Variants in CFAP20DC observed in about 807,000 individuals in gnomAD.
The protein encoded by CFAP20DC is protein CFAP20DC.
In CFAP20DC, 84 loss-of-function variants were observed where a neutral mutation model predicts 101.7. That is an observed-to-expected ratio of 0.83 (90% confidence interval 0.69 to 0.99). The LOEUF is 0.99. Among genes scored for constraint, CFAP20DC ranks in the 50% least tolerant of loss-of-function variants. The pLI, the probability that CFAP20DC is intolerant of heterozygous loss-of-function variation, is 0.00. For synonymous variants in CFAP20DC, 359 were observed against 351.2 expected, an observed-to-expected ratio of 1.02 and a Z score of -0.25; for missense variants, 1,007 against 970.3, an observed-to-expected ratio of 1.04 and a Z score of -0.50.
At chr3:58,802,998 G>A (rs1236059667) in intron 15 of CFAP20DC, among the ~76,000 whole-genome samples, 12 of 152,022 alleles carry the variant, frequency 7.9e-5, no homozygotes, top group Non-Finnish European at 1.0e-4. Context: ...AAAAAAATGT[G>A]CATGAAAGAC....
chr3:58,969,877 G>A (rs1344221866), intron 4 of CFAP20DC, among the ~76,000 whole-genome samples: 1 of 152,136 alleles, frequency 6.6e-6, no homozygotes, highest in African/African-American at 2.4e-5. Context: ...AGGGAGTGGA[G>A]AGTACCTGCT....
At chr3:58,996,016 A>ATCTATCTC (rs1267979977) in intron 4 of CFAP20DC, among the ~76,000 whole-genome samples, 3 of 151,618 alleles carry the variant, frequency 2.0e-5, no homozygotes, top group African/African-American at 7.3e-5. Context: ...CTATCTATCT[A>ATCTATCTC]TCTATCTATT....
intron 14 of CFAP20DC, among the ~76,000 whole-genome samples, chr3:58,809,365 G>A (rs1163088045): frequency 6.6e-6 from 1 of 152,168 alleles, no homozygotes; most frequent in East Asian, 1.9e-4. Context: ...TCAGACCACA[G>A]TGCAATCAAA....
At chr3:58,780,761 C>A (rs2071755336) in intron 15 of CFAP20DC, among the ~76,000 whole-genome samples, 1 of 151,908 alleles carries the variant, frequency 6.6e-6, no homozygotes, top group Admixed American at 6.6e-5. Flanking sequence ...ATGCAGCCAA[C>A]ATCTGAACAC....
chr3:58,994,934 G>C (rs971938205), intron 4 of CFAP20DC, among the ~76,000 whole-genome samples: 1 of 152,024 alleles, frequency 6.6e-6, no homozygotes, highest in Non-Finnish European at 1.5e-5. Context: ...ATGCAGCAGG[G>C]GGAGCTATGG....
At chr3:58,842,311 C>A (rs1198306736) in intron 13 of CFAP20DC, among the ~76,000 whole-genome samples, 1 of 152,180 alleles carries the variant, frequency 6.6e-6, no homozygotes, top group East Asian at 1.9e-4. Context: ...GGTGCGCGCA[C>A]CGTGCGCGAG....
intron 3 of CFAP20DC, among the ~76,000 whole-genome samples, chr3:58,723,105 T>TA (rs1336658410): frequency 3.3e-5 from 5 of 152,250 alleles, no homozygotes; most frequent in Non-Finnish European, 7.3e-5. Context: ...TTGTGCTCTT[T>TA]AAAAAATGTT....
Position 58,913,535 on chromosome 3 carries a change from T to C in CFAP20DC, c.550+173A>G, listed in dbSNP as rs1014104592. ...ATACCTTTTTTGTGACATTCAGCTA[T>C]AGTAAAAATAAACATTTGATCTAGA... On this transcript the variant is annotated intron_variant, in intron 6 of 16. Transcript: ENST00000482387. The surrounding 1 kb of genome is among the most constrained non-coding windows in gnomAD (Gnocchi z 4.4). The C allele has an allele frequency of 4.1e-5, 27 of 651,754 alleles. No homozygotes were observed. The highest frequency in any genetic ancestry group is 3.1e-4 in the African/African-American group (17 of 54,668). 40.4% of individuals were successfully genotyped at this position (651,754 alleles called of 1,614,324 possible). A position where few individuals can be genotyped will look rare whatever the true frequency, so the allele number is the denominator to read the frequency against.
chr3:58,900,240 G>A (rs77346637), intron 6 of CFAP20DC, among the ~76,000 whole-genome samples: 1 of 152,158 alleles, frequency 6.6e-6, no homozygotes, highest in African/African-American at 2.4e-5. Flanking sequence ...AATGACTGGA[G>A]AATCCTAATG....
chr3:58,813,559 T>C (rs2074853107), intron 14 of CFAP20DC, among the ~76,000 whole-genome samples: 1 of 151,948 alleles, frequency 6.6e-6, no homozygotes, highest in Admixed American at 6.6e-5. Context: ...GTAGCCATGG[T>C]GCCTGTATAT....
intron 6 of CFAP20DC, among the ~76,000 whole-genome samples, chr3:58,906,037 T>C (rs73840004): frequency 0.039 from 5,949 of 152,224 alleles, 369 homozygotes; most frequent in African/African-American, 0.13. Context: ...TAGTGTGACA[T>C]TGTGCACCTT....
rs909036366 is a variant in CFAP20DC at position 58,868,323 on chromosome 3, G to A, written c.1016-387C>T. Among the ~76,000 whole-genome samples, 1 of 152,140 alleles carries A rather than the reference G, an allele frequency of 6.6e-6. No individual in the cohort carries two copies. Among genetic ancestry groups the A allele is most frequent in the Non-Finnish European group, 1.5e-5 (1 of 67,994 alleles). ...ACTATACTTTCAACAAGAGCATAGA[G>A]AGCAGCTTCCAAAAGAGCCCTGGAG... On this transcript the variant is annotated intron_variant, in intron 9 of 16. Coordinates refer to ENST00000482387, the MANE Select transcript of CFAP20DC (RefSeq NM_001394063.1). This position sits in a 1 kb window ranked among gnomAD's most constrained non-coding sequence, Gnocchi z 4.6.
At chr3:58,782,680 A>G (rs548646798) in intron 15 of CFAP20DC, among the ~76,000 whole-genome samples, 2 of 152,150 alleles carry the variant, frequency 1.3e-5, no homozygotes, top group African/African-American at 2.4e-5. Flanking sequence ...AAGAGCTACA[A>G]AAATATCTGG....
Position 58,998,305 on chromosome 3 carries a change from T to C in CFAP20DC, c.278+41252A>G, listed in dbSNP as rs533384500. On this transcript the variant is annotated intron_variant, in intron 4 of 16. Coordinates refer to ENST00000482387, the MANE Select transcript of CFAP20DC (RefSeq NM_001394063.1). ...AGGTCTGTTTTAAATGCCCATTTTG[T>C]TCCTTGCAAACTGTATATGACTGTG... Among the ~76,000 whole-genome samples the C allele has an allele frequency of 5.1e-4, 78 of 152,322 alleles. 1 individual carries two copies. The highest frequency in any genetic ancestry group is 1.8e-3 in the African/African-American group (76 of 41,582).
chr3:58,931,077 C>T (rs775800484), intron 5 of CFAP20DC, among the ~76,000 whole-genome samples: 1 of 152,208 alleles, frequency 6.6e-6, no homozygotes, highest in Non-Finnish European at 1.5e-5. Flanking sequence ...GAATACTGCG[C>T]TTTTCCGATG....
intron 4 of CFAP20DC, among the ~76,000 whole-genome samples, chr3:58,974,659 T>A (rs2092165994): frequency 6.6e-6 from 1 of 152,108 alleles, no homozygotes; most frequent in South Asian, 2.1e-4. Flanking sequence ...TCCCATCCCA[T>A]GGAACATAGG....
chr3:58,986,821 A>G (rs1318682420), intron 4 of CFAP20DC, among the ~76,000 whole-genome samples: 2 of 152,174 alleles, frequency 1.3e-5, no homozygotes, highest in African/African-American at 4.8e-5. Context: ...ACGACCCCCA[A>G]TAAACATAAA....
rs907410735 is a variant in CFAP20DC, at chr3:58,757,387, C to T, written c.2238-3524G>A. Among the ~76,000 whole-genome samples, 9 of 151,982 alleles carry T rather than the reference C, an allele frequency of 5.9e-5. No homozygotes were observed. The South Asian group carries it at 1.7e-3, about 28-fold the overall frequency. ...ATGTGTACATACATACACACACACACATATATATATGCATGTGCCATATAT... is the reference window on the plus strand; with the variant it reads ...ATGTGTACATACATACACACACACATATATATATATGCATGTGCCATATAT... On this transcript the variant is annotated intron_variant, in intron 15 of 16. Transcript: ENST00000482387.
rs554225808 is a variant in CFAP20DC at position 58,764,507 on chromosome 3, G to T, written c.2238-10644C>A. On this transcript the variant is annotated intron_variant, in intron 15 of 16. Transcript: ENST00000482387. Reference sequence around the variant, plus strand: ...CCCAGGTGAGGCGATGCCTCGCCCTGCTTCAGCTCACGGTCGGTGTACTGC... The same window carrying T: ...CCCAGGTGAGGCGATGCCTCGCCCTTCTTCAGCTCACGGTCGGTGTACTGC... 3.3e-5 allele frequency among the ~76,000 whole-genome samples: 5 copies of T among 152,294 alleles called. No homozygotes were observed. The East Asian group carries it at 7.7e-4, about 24-fold the overall frequency.
Sources: gnomAD v4.1 joint callset for allele counts (sites outside exome capture counted in the v4.1 genomes callset) on GRCh38, gnomAD v4.1.1 for gene constraint, Gnocchi (gnomAD v3.1) non-coding constraint, MANE v1.5 for transcripts, NCBI Gene and HGNC (gene_info 2026-07-23, HGNC 2026-07-21) for gene names.